SZT2: variants seen among roughly 807,000 people sequenced by gnomAD.
SZT2 encodes the protein SZT2 subunit of KICSTOR complex.
A neutral mutation model predicts 404.2 loss-of-function variants in SZT2; 216 were observed. That is an observed-to-expected ratio of 0.53 (90% CI 0.48 to 0.60). The LOEUF (loss-of-function observed/expected upper bound fraction) is 0.60, where lower values mean the gene tolerates loss of function less well. Among genes scored for constraint, SZT2 ranks in the 20% least tolerant of loss-of-function variants. The probability of loss-of-function intolerance (pLI) is 0.00; values close to 1 mark genes in which losing one functional copy is unlikely to be tolerated. For synonymous variants in SZT2, 1,693 were observed against 1,749.9 expected, an observed-to-expected ratio of 0.97 and a Z score of 0.81; for missense variants, 3,857 against 4,459.2, an observed-to-expected ratio of 0.86 and a Z score of 3.85.
In SZT2 at chr1:43,389,917, G is replaced by A. The variant is rs967817841; in HGVS notation, c.-52G>A. On this transcript the variant is annotated 5_prime_UTR_variant, in exon 1 of 72. Transcript: ENST00000634258. ...GGGTGCCGAGGTAGCGAGGTCAGGG[G>A]TCAAGAGTGGAACACCCTCACTGGC... 8 of 1,534,956 alleles carry A rather than the reference G, an allele frequency of 5.2e-6. No individual in the cohort carries two copies. Among genetic ancestry groups the A allele is most frequent in the Non-Finnish European group, 7.0e-6 (8 of 1,141,860 alleles).
At position 43,419,940 on chromosome 1, in the gene SZT2, C is replaced by T. The variant is rs756731280; in HGVS notation, c.1086C>T (p.Tyr362=). 3.1e-6 allele frequency: 5 copies of T among 1,598,132 alleles called. No individual in the cohort carries two copies. In the East Asian group the frequency reaches 1.1e-4, roughly 36 times the overall value. Reference sequence around the variant, plus strand: ...GGGAAGCACTGAACCCTGAATATTACTGCGGTGAGAGGCACACTGAGGTGG... The same window carrying T: ...GGGAAGCACTGAACCCTGAATATTATTGCGGTGAGAGGCACACTGAGGTGG... ...RSGEALNPEY[Y]CGSQHRLFNE... Residue 362 remains tyrosine, a synonymous_variant, in exon 8 of 72, where the codon TAC becomes TAT. Coordinates refer to ENST00000634258, the MANE Select transcript of SZT2 (RefSeq NM_001365999.1).
chr1:43,447,958 C>T lies in SZT2; in HGVS notation c.9550C>T (p.Arg3184Trp), dbSNP rs185846754. The change falls in exon 68 of 72, where the codon CGG (arginine) becomes TGG (tryptophan). Residue 3184 changes from arginine to tryptophan, a missense_variant. Physicochemically the swap from Arg to Trp is moderately radical, Grantham distance 101. Coordinates refer to ENST00000634258, the MANE Select transcript of SZT2 (RefSeq NM_001365999.1). ...CTTTGAGGAGCAAGGAGAGGCTGAG[C>T]GGCACGTTCTGCGGTCAGCAGATCC... ...APFEEQGEAE[R>W]HVLRLQFFVV... 5.0e-6 allele frequency: 8 copies of T among 1,613,928 alleles called. No individual in the cohort carries two copies. The highest frequency in any genetic ancestry group is 6.8e-6 in the Non-Finnish European group (8 of 1,179,986).
In SZT2 at chr1:43,437,720, T is replaced by G; in HGVS notation, c.6396+20T>G. 1 of 1,614,084 alleles carries G rather than the reference T, an allele frequency of 6.2e-7. No homozygotes were observed. The highest frequency in any genetic ancestry group is 8.5e-7 in the Non-Finnish European group (1 of 1,179,994). On this transcript the variant is annotated intron_variant, in intron 45 of 71. Coordinates refer to ENST00000634258, the MANE Select transcript of SZT2 (RefSeq NM_001365999.1). The surrounding 1 kb of genome is among the most constrained non-coding windows in gnomAD (Gnocchi z 5.3). ...GCCTCGGCATGTATCACTCCCACTC[T>G]CTGATGCCCCTGTGTTCCTCTTGCA...
rs1445182002 is a variant in SZT2 at position 43,451,508 on chromosome 1, T to TC, written c.*1032dup. On this transcript the variant is annotated 3_prime_UTR_variant, in exon 72 of 72. Coordinates refer to ENST00000634258, the MANE Select transcript of SZT2 (RefSeq NM_001365999.1). ...ATTCAGCTCTCCGGGGCTGCTGGGC[T>TC]CCCCTCGGCCTGGGACCTGTGCCAC... The TC allele has an allele frequency of 6.2e-7, 1 of 1,614,036 alleles. No homozygotes were observed.
intron 11 of SZT2, among the ~76,000 whole-genome samples, chr1:43,421,586 G>A (rs1214119670): frequency 1.3e-5 from 2 of 152,216 alleles, no homozygotes; most frequent in African/African-American, 4.8e-5. Context: ...GTGAGCCCTT[G>A]CCCCATCTCC....
In SZT2 at chr1:43,441,984, T is replaced by C; in HGVS notation, c.7743-16T>C. 1.2e-6 allele frequency: 2 copies of C among 1,607,284 alleles called. No homozygotes were observed. Among genetic ancestry groups the C allele is most frequent in the African/African-American group, 1.3e-5 (1 of 74,930 alleles). ...GTGTCATGGATGGCCTTTCTGTCTGTCCTCCCTTTCAATAGGGGTTCAGAG... is the reference window on the plus strand; with the variant it reads ...GTGTCATGGATGGCCTTTCTGTCTGCCCTCCCTTTCAATAGGGGTTCAGAG... On this transcript the variant is annotated splice_polypyrimidine_tract_variant and intron_variant, in intron 55 of 71. Transcript: ENST00000634258. The surrounding 1 kb of genome is among the most constrained non-coding windows in gnomAD (Gnocchi z 4.8).
intron 4 of SZT2, among the ~76,000 whole-genome samples, chr1:43,408,711 C>T (rs1161790437): frequency 6.6e-6 from 1 of 152,174 alleles, no homozygotes; most frequent in Non-Finnish European, 1.5e-5. Flanking sequence ...CCCTACTTGG[C>T]CACTTGAGTT....
At position 43,404,182 on chromosome 1, in the gene SZT2, G is replaced by A. The variant is rs1650018441; in HGVS notation, c.328-198G>A. On this transcript the variant is annotated intron_variant, in intron 3 of 71. Coordinates refer to ENST00000634258, the MANE Select transcript of SZT2 (RefSeq NM_001365999.1). ...GGATCAGGCCACTGCGCTCTAGCGT[G>A]GGCAACAAAGCAAGACCCTGGTTTT... The A allele has an allele frequency of 1.9e-5, 11 of 576,114 alleles. No individual in the cohort carries two copies. In the South Asian group the frequency reaches 2.7e-4, roughly 14 times the overall value. 35.7% of individuals were successfully genotyped at this position (576,114 alleles called of 1,614,324 possible).
intron 1 of SZT2, among the ~76,000 whole-genome samples, chr1:43,399,332 CTCA>C (rs1375972097): frequency 2.0e-5 from 3 of 152,038 alleles, no homozygotes; most frequent in Non-Finnish European, 4.4e-5. Context: ...CTGGCATTAT[CTCA>C]TCAAGACCCA....
chr1:43,437,220 A>C lies in SZT2; in HGVS notation c.6084A>C (p.Thr2028=), dbSNP rs1366420391. The change falls in exon 43 of 72, where the codon ACA becomes ACC. Residue 2028 remains threonine (T), a synonymous_variant. Transcript: ENST00000634258. The surrounding 1 kb of genome is among the most constrained non-coding windows in gnomAD (Gnocchi z 5.3). ...SCAPRGYLAA[T]MQFVPGHFSC... ...CGCCCCGTGGGTACCTGGCAGCCACAATGCAGTTTGTCCCTGGCCATTTCT... is the reference window on the plus strand; with the variant it reads ...CGCCCCGTGGGTACCTGGCAGCCACCATGCAGTTTGTCCCTGGCCATTTCT... 2 of 1,614,140 alleles carry C rather than the reference A, an allele frequency of 1.2e-6. No homozygotes were observed. Among genetic ancestry groups the C allele is most frequent in the Admixed American group, 3.3e-5 (2 of 60,010 alleles).
intron 3 of SZT2, chr1:43,404,162 A>G: frequency 3.6e-6 from 2 of 552,232 alleles, no homozygotes; most frequent in Non-Finnish European, 6.4e-6. Context: ...AGCCGGGATC[A>G]GGCCACTGCG....
Position 43,452,777 on chromosome 1 carries a change from T to A in SZT2, c.*2297T>A, listed in dbSNP as rs1263413525. On this transcript the variant is annotated 3_prime_UTR_variant, in exon 72 of 72. Transcript: ENST00000634258. ...GTTCCTTCTGAGCCTGTTTGGCCTCTGCAGGATTTGACATTTGAATCAGCC... is the reference window on the plus strand; with the variant it reads ...GTTCCTTCTGAGCCTGTTTGGCCTCAGCAGGATTTGACATTTGAATCAGCC... The A allele has an allele frequency of 3.1e-6, 3 of 978,958 alleles. No homozygotes were observed. The highest frequency in any genetic ancestry group is 5.2e-5 in the East Asian group (2 of 38,236). The allele number at this position is 978,958 out of a possible 1,614,324, so 60.6% of individuals were successfully genotyped here.
rs538213087 is a variant in SZT2, at chr1:43,447,964, G to A, written c.9556G>A (p.Val3186Ile). 22 of 1,613,906 alleles carry A rather than the reference G, an allele frequency of 1.4e-5. No homozygotes were observed. The highest frequency in any genetic ancestry group is 8.0e-5 in the African/African-American group (6 of 74,966). Residue 3186 changes from valine (V) to isoleucine (I), a missense_variant, in exon 68 of 72, where the codon GTT (valine) becomes ATT (isoleucine). Coordinates refer to ENST00000634258, the MANE Select transcript of SZT2 (RefSeq NM_001365999.1). The stretch of plus-strand genomic sequence containing the variant: ...GGAGCAAGGAGAGGCTGAGCGGCAC[G>A]TTCTGCGGTCAGCAGATCCCCTACC... ...FEEQGEAERH[V>I]LRLQFFVVLT... is the part of the protein sequence containing the mutation.
chr1:43,437,537 C>A lies in SZT2; in HGVS notation c.6290+29C>A. 6.2e-7 allele frequency: 1 copy of A among 1,613,984 alleles called. No individual in the cohort carries two copies. On this transcript the variant is annotated intron_variant, in intron 44 of 71. Coordinates refer to ENST00000634258, the MANE Select transcript of SZT2 (RefSeq NM_001365999.1). This position sits in a 1 kb window ranked among gnomAD's most constrained non-coding sequence, Gnocchi z 5.3. ...TGTGGCCCTTGGAAGGTGGGTAGGGCATGAATTAAGGATGGCCTGGGAGGA... is the reference window on the plus strand; with the variant it reads ...TGTGGCCCTTGGAAGGTGGGTAGGGAATGAATTAAGGATGGCCTGGGAGGA...
intron 62 of SZT2, 42 bp from the exon 63 acceptor site, chr1:43,445,852 A>G: frequency 1.3e-6 from 2 of 1,586,878 alleles, no homozygotes; most frequent in East Asian, 2.2e-5. Context: ...ACTGCATGCC[A>G]CTAGCCTGCC....
chr1:43,393,371 G>T (rs946622546), intron 1 of SZT2, among the ~76,000 whole-genome samples: 1 of 152,210 alleles, frequency 6.6e-6, no homozygotes, highest in Non-Finnish European at 1.5e-5. Context: ...TTTATTATCT[G>T]TGTTTCACAG....
At position 43,448,779 on chromosome 1, in the gene SZT2, A is replaced by G. The variant is rs752486005; in HGVS notation, c.10086+51A>G. ...AAAGGGAAACACAGCAGAAATCCTC[A>G]CCAAACAGATGTGCCCCTCAGCCTG... is the stretch of plus-strand genomic sequence containing the variant. On this transcript the variant is annotated intron_variant, in intron 70 of 71. Coordinates refer to ENST00000634258, the MANE Select transcript of SZT2 (RefSeq NM_001365999.1). The surrounding 1 kb of genome is among the most constrained non-coding windows in gnomAD (Gnocchi z 4.2). 34 of 1,550,600 alleles carry G rather than the reference A, an allele frequency of 2.2e-5. No individual in the cohort carries two copies. In the Admixed American group the frequency reaches 4.0e-4, roughly 18 times the overall value.
chr1:43,423,754 G>C (rs1652769123), intron 15 of SZT2, among the ~76,000 whole-genome samples: 1 of 150,194 alleles, frequency 6.7e-6, no homozygotes, highest in Non-Finnish European at 1.5e-5. Context: ...GCATGGCTCA[G>C]CGAGGAATGA....
In SZT2 at chr1:43,424,196, G is replaced by A. The variant is rs1243037448; in HGVS notation, c.2256-21G>A. On this transcript the variant is annotated intron_variant, in intron 15 of 71. Coordinates refer to ENST00000634258, the MANE Select transcript of SZT2 (RefSeq NM_001365999.1). The surrounding 1 kb of genome is among the most constrained non-coding windows in gnomAD (Gnocchi z 4.1). Reference sequence around the variant, plus strand: ...TAGCCGGGGATGAGAGAGATAGCTGGGGAGTTGTCCCATTTCCTAGGTATG... The same window carrying A: ...TAGCCGGGGATGAGAGAGATAGCTGAGGAGTTGTCCCATTTCCTAGGTATG... 1 of 1,590,788 alleles carries A rather than the reference G, an allele frequency of 6.3e-7. No homozygotes were observed. Among genetic ancestry groups the A allele is most frequent in the African/African-American group, 1.3e-5 (1 of 74,754 alleles).
Sources: allele counts gnomAD v4.1 joint callset (sites outside exome capture counted in the v4.1 genomes callset), GRCh38; gene constraint gnomAD v4.1.1; non-coding constraint Gnocchi (gnomAD v3.1); transcripts MANE v1.5; gene names NCBI Gene and HGNC (gene_info 2026-07-23, HGNC 2026-07-21).